Variants in PDE4B observed in about 807,000 individuals in gnomAD.
PDE4B encodes 3',5'-cyclic-AMP phosphodiesterase 4B.
In PDE4B, 20 loss-of-function variants were observed where a neutral mutation model predicts 82.2. The observed-to-expected ratio is 0.24, with a 90% CI of 0.17 to 0.35. The LOEUF (loss-of-function observed/expected upper bound fraction) is 0.35, where lower values mean the gene tolerates loss of function less well. Among genes scored for constraint, PDE4B ranks in the 10% least tolerant of loss-of-function variants. The pLI is 1.00. For missense variants in PDE4B, 655 were observed against 907.2 expected (o/e 0.72, Z 3.57); for synonymous variants, 320 against 318.9 (o/e 1.00, Z -0.04).
chr1:66,204,679 T>C (rs1023244952), intron 3 of PDE4B, among the ~76,000 whole-genome samples: 3 of 152,182 alleles, frequency 2.0e-5, no homozygotes, highest in Non-Finnish European at 2.9e-5. Flanking sequence ...GGTGTGCCGT[T>C]TTTTAAGCCC....
At chr1:66,031,762 A>G (rs1653790026) in intron 3 of PDE4B, among the ~76,000 whole-genome samples, 1 of 152,136 alleles carries the variant, frequency 6.6e-6, no homozygotes, top group African/African-American at 2.4e-5. Context: ...AATCTAGATC[A>G]GTGGTTTTCA....
At chr1:66,247,730 A>G (rs1653433755) in intron 4 of PDE4B, 76 bp downstream of exon 4, 7 of 1,074,672 alleles carry the variant, frequency 6.5e-6, no homozygotes, top group Non-Finnish European at 8.0e-6. Flanking sequence ...CAGCAACAAC[A>G]ATTCCCCATT....
chr1:66,295,261 A>G (rs148076456), intron 7 of PDE4B, among the ~76,000 whole-genome samples: 1 of 152,252 alleles, frequency 6.6e-6, no homozygotes, highest in African/African-American at 2.4e-5. Flanking sequence ...GGGGCAGACT[A>G]GATTAGTGGC....
intron 3 of PDE4B, among the ~76,000 whole-genome samples, chr1:66,162,939 A>G (rs1646647169): frequency 6.6e-6 from 1 of 152,208 alleles, no homozygotes; most frequent in African/African-American, 2.4e-5. Context: ...AACTTTTATT[A>G]CTTGAAGGCA....
chr1:66,091,673 G>A (rs1261474254), intron 3 of PDE4B, among the ~76,000 whole-genome samples: 1 of 151,972 alleles, frequency 6.6e-6, no homozygotes, highest in Non-Finnish European at 1.5e-5. Context: ...TAAAATAGCA[G>A]AGTTGTAGTT....
intron 3 of PDE4B, among the ~76,000 whole-genome samples, chr1:65,983,037 A>G (rs927837293): frequency 1.3e-5 from 2 of 152,208 alleles, no homozygotes; most frequent in African/African-American, 4.8e-5. Flanking sequence ...AAAGGACAGA[A>G]CACTGAGCCA....
chr1:65,985,403 G>A (rs1179359161), intron 3 of PDE4B, among the ~76,000 whole-genome samples: 2 of 152,114 alleles, frequency 1.3e-5, no homozygotes, highest in Non-Finnish European at 2.9e-5. Context: ...AAATTTTACA[G>A]TGTAGATTAA....
intron 3 of PDE4B, chr1:66,042,391 A>G (rs1441477745): frequency 2.6e-5 from 4 of 151,858 alleles, no homozygotes; most frequent in Admixed American, 6.6e-5. Flanking sequence ...TCAAGGTCCA[A>G]TATATCTTAA....
intron 7 of PDE4B, among the ~76,000 whole-genome samples, chr1:66,327,781 T>G (rs181574564): frequency 1.4e-4 from 22 of 152,302 alleles, no homozygotes; most frequent in Admixed American, 1.4e-3. Context: ...AAAAGGGAAG[T>G]GGAGACTTCA....
intron 3 of PDE4B, among the ~76,000 whole-genome samples, chr1:66,123,087 A>T (rs1267898140): frequency 6.6e-6 from 1 of 151,954 alleles, no homozygotes. Flanking sequence ...CTTCCAGTCT[A>T]TCATATTTTG....
At chr1:65,822,637 G>C (rs199684050) in intron 1 of PDE4B, among the ~76,000 whole-genome samples, 2 of 152,184 alleles carry the variant, frequency 1.3e-5, no homozygotes, top group East Asian at 1.9e-4. Flanking sequence ...TCATGAATGA[G>C]ATTAATGCCT....
intron 3 of PDE4B, among the ~76,000 whole-genome samples, chr1:66,225,441 C>T (rs139500449): frequency 6.6e-6 from 1 of 152,298 alleles, no homozygotes; most frequent in Admixed American, 6.5e-5. Flanking sequence ...TATTTTTCCA[C>T]ATATTTTATA....
At chr1:66,024,277 T>TA (rs1393560471) in intron 3 of PDE4B, among the ~76,000 whole-genome samples, 5 of 152,148 alleles carry the variant, frequency 3.3e-5, no homozygotes, top group African/African-American at 1.2e-4. Flanking sequence ...AGAATATCTC[T>TA]AAAAAATATT....
At chr1:66,230,473 A>C (rs1651862337) in intron 3 of PDE4B, among the ~76,000 whole-genome samples, 1 of 152,228 alleles carries the variant, frequency 6.6e-6, no homozygotes, top group African/African-American at 2.4e-5. Flanking sequence ...ACTTTAAAAA[A>C]TCAAAAAATT....
chr1:66,204,086 G>T (rs1378246510), intron 3 of PDE4B, among the ~76,000 whole-genome samples: 1 of 152,024 alleles, frequency 6.6e-6, no homozygotes, highest in African/African-American at 2.4e-5. Flanking sequence ...TCAGCTGCAG[G>T]TCTGTTGGAG....
chr1:66,135,870 G>T (rs1044635481), intron 3 of PDE4B, among the ~76,000 whole-genome samples: 4 of 152,130 alleles, frequency 2.6e-5, no homozygotes, highest in Admixed American at 2.0e-4. Flanking sequence ...TTAAGCTAAA[G>T]AATCTGCCCT....
chr1:66,110,007 A>G (rs1645448723), intron 3 of PDE4B, among the ~76,000 whole-genome samples: 1 of 151,930 alleles, frequency 6.6e-6, no homozygotes. Flanking sequence ...AAGATCATGT[A>G]ATTAATTGTC....
chr1:66,096,506 A>ATC (rs1437398010), intron 3 of PDE4B, among the ~76,000 whole-genome samples: 3 of 111,498 alleles, frequency 2.7e-5, no homozygotes, highest in Non-Finnish European at 3.6e-5. Context: ...AAGTAAAAAA[A>ATC]ATTATATATA....
intron 3 of PDE4B, among the ~76,000 whole-genome samples, chr1:66,064,761 T>A (rs1655757576): frequency 6.6e-6 from 1 of 152,148 alleles, no homozygotes; most frequent in East Asian, 1.9e-4. Context: ...CTATATCTTA[T>A]GTTTTAACTT....
Sources: allele counts gnomAD v4.1 joint callset (sites outside exome capture counted in the v4.1 genomes callset), GRCh38; gene constraint gnomAD v4.1.1; transcripts MANE v1.5; gene names NCBI Gene and HGNC (gene_info 2026-07-23, HGNC 2026-07-21).